PBX1: variants seen among roughly 807,000 people sequenced by gnomAD.
The protein encoded by PBX1 is pre-B-cell leukemia transcription factor 1.
A neutral mutation model predicts 53.4 loss-of-function variants in PBX1; 6 were observed. The ratio of observed to expected loss-of-function variants is 0.11; its 90% CI spans 0.06 to 0.22. The LOEUF is 0.22. Ranked by LOEUF, PBX1 falls within the 10% of genes least tolerant of loss-of-function variation. The pLI is 1.00. For synonymous variants in PBX1, 204 were observed against 212.3 expected (o/e 0.96, Z 0.34); for missense variants, 251 against 551.4 (o/e 0.46, Z 5.46).
intron 2 of PBX1, among the ~76,000 whole-genome samples, chr1:164,750,132 C>G (rs531769381): frequency 3.5e-4 from 49 of 141,658 alleles, no homozygotes; most frequent in African/African-American, 1.2e-3. Flanking sequence ...AGCTTTCAAA[C>G]TGGGGGCTAG....
intron 2 of PBX1, among the ~76,000 whole-genome samples, chr1:164,623,815 A>G (rs1202710919): frequency 6.6e-6 from 1 of 152,230 alleles, no homozygotes; most frequent in Non-Finnish European, 1.5e-5. Flanking sequence ...GCTAATGATC[A>G]AGAGACATGT....
chr1:164,650,694 C>T (rs1157206553), intron 2 of PBX1, among the ~76,000 whole-genome samples: 2 of 152,088 alleles, frequency 1.3e-5, no homozygotes, highest in African/African-American at 4.8e-5. Context: ...GAGAACAGGG[C>T]CCTTGCTCCT....
At chr1:164,593,674 T>G (rs1655561224) in intron 2 of PBX1, among the ~76,000 whole-genome samples, 1 of 152,156 alleles carries the variant, frequency 6.6e-6, no homozygotes, top group Admixed American at 6.5e-5. Context: ...GCAAAAATAT[T>G]GCTAAGTTTT....
intron 2 of PBX1, among the ~76,000 whole-genome samples, chr1:164,587,179 G>A (rs780309255): frequency 1.3e-5 from 2 of 152,166 alleles, no homozygotes; most frequent in Non-Finnish European, 2.9e-5. Flanking sequence ...AAGATGTACT[G>A]CTATCTTTCA....
intron 2 of PBX1, among the ~76,000 whole-genome samples, chr1:164,786,681 CTGTGTG>C (rs74747780): frequency 0.29 from 41,321 of 140,302 alleles, 6,414 homozygotes; most frequent in Admixed American, 0.41. Flanking sequence ...TCAGAAGAGA[CTGTGTG>C]TGTGTGTGTG....
chr1:164,839,363 AT>A (rs1457042214), intron 8 of PBX1, among the ~76,000 whole-genome samples: 3 of 152,214 alleles, frequency 2.0e-5, no homozygotes, highest in Non-Finnish European at 4.4e-5. Flanking sequence ...CTGAATACGT[AT>A]TTACGTAATT....
chr1:164,841,385 G>A (rs756461297), intron 8 of PBX1, among the ~76,000 whole-genome samples: 36 of 152,252 alleles, frequency 2.4e-4, no homozygotes, highest in Non-Finnish European at 4.0e-4. Flanking sequence ...TCAAGGCTGC[G>A]GCAGAGCTGC....
chr1:164,744,071 C>T (rs1476473315), intron 2 of PBX1, among the ~76,000 whole-genome samples: 2 of 152,086 alleles, frequency 1.3e-5, no homozygotes, highest in South Asian at 2.1e-4. Flanking sequence ...TTCACTTCCA[C>T]ATTTGTCCCG....
At chr1:164,565,685 T>A (rs761072941) in intron 2 of PBX1, among the ~76,000 whole-genome samples, 12 of 152,042 alleles carry the variant, frequency 7.9e-5, no homozygotes, top group Non-Finnish European at 1.6e-4. Flanking sequence ...TCAATCTTTT[T>A]GCCAGCATAT....
intron 2 of PBX1, among the ~76,000 whole-genome samples, chr1:164,635,433 C>T (rs988654828): frequency 2.0e-5 from 3 of 152,232 alleles, no homozygotes; most frequent in African/African-American, 7.2e-5. Flanking sequence ...AATTAATATA[C>T]TCTACTTAAA....
chr1:164,820,718 G>A (rs972785699), intron 7 of PBX1, among the ~76,000 whole-genome samples: 2 of 152,148 alleles, frequency 1.3e-5, no homozygotes, highest in Non-Finnish European at 2.9e-5. Flanking sequence ...ATGAGTAGAA[G>A]TCCACATTGG....
In PBX1 at chr1:164,848,190, G is replaced by A. The variant is rs1571523981; in HGVS notation, c.*1514G>A. The A allele has an allele frequency of 1.0e-5, 11 of 1,049,936 alleles. No individual in the cohort carries two copies. The highest frequency in any genetic ancestry group is 1.3e-5 in the Non-Finnish European group (11 of 869,612). 65.0% of individuals were successfully genotyped at this position (1,049,936 alleles called of 1,614,324 possible). A position where few individuals can be genotyped will look rare whatever the true frequency, so the allele number is the denominator to read the frequency against. ...GTGATTTTTATTCCCTGGGAACACA[G>A]CGTGTACTAAAAATACATGAGAAAA... On this transcript the variant is annotated 3_prime_UTR_variant, in exon 9 of 9. Transcript: ENST00000420696.
intron 8 of PBX1, among the ~76,000 whole-genome samples, chr1:164,845,568 A>G (rs146061536): frequency 6.6e-6 from 1 of 152,362 alleles, no homozygotes; most frequent in African/African-American, 2.4e-5. Context: ...TTTAAAACAT[A>G]TAAGCAATCA....
At chr1:164,699,472 C>G (rs1662980441) in intron 2 of PBX1, among the ~76,000 whole-genome samples, 1 of 152,002 alleles carries the variant, frequency 6.6e-6, no homozygotes, top group South Asian at 2.1e-4. Context: ...GACTCCTGCT[C>G]CAGAAAAGAT....
At chr1:164,612,602 T>G (rs900974735) in intron 2 of PBX1, among the ~76,000 whole-genome samples, 3 of 152,098 alleles carry the variant, frequency 2.0e-5, no homozygotes, top group Non-Finnish European at 4.4e-5. Flanking sequence ...GTCAGAAAAG[T>G]CCCATTTTTG....
chr1:164,764,930 G>T lies in PBX1; in HGVS notation c.266-27564G>T, dbSNP rs1666989595. ...TCTTCTAATTTAAGACTTTGGTTTG[G>T]TTTTTATAAGCCAAGTTGTCTTTAT... On this transcript the variant is annotated intron_variant, in intron 2 of 8. Transcript: ENST00000420696. Among the ~76,000 whole-genome samples the T allele has an allele frequency of 3.3e-5, 5 of 152,198 alleles. No homozygotes were observed. The South Asian group carries it at 1.0e-3, about 32-fold the overall frequency.
chr1:164,837,295 G>C (rs915666909), intron 8 of PBX1, among the ~76,000 whole-genome samples: 1 of 152,192 alleles, frequency 6.6e-6, no homozygotes, highest in Admixed American at 6.5e-5. Context: ...ATTCAGGGCT[G>C]TATAGGTTCA....
intron 2 of PBX1, among the ~76,000 whole-genome samples, chr1:164,706,718 G>A (rs537722817): frequency 1.3e-5 from 2 of 152,238 alleles, no homozygotes; most frequent in South Asian, 4.2e-4. Context: ...AAGTAACAGT[G>A]AGAACCAGGA....
intron 2 of PBX1, among the ~76,000 whole-genome samples, chr1:164,870,299 T>C (rs901004138): frequency 3.5e-5 from 2 of 57,006 alleles, no homozygotes; most frequent in African/African-American, 7.7e-5. Context: ...CTTTCTTTCT[T>C]TCTTTCTTTC....
Sources: gnomAD v4.1 joint callset for allele counts (sites outside exome capture counted in the v4.1 genomes callset) on GRCh38, gnomAD v4.1.1 for gene constraint, MANE v1.5 for transcripts, NCBI Gene and HGNC (gene_info 2026-07-23, HGNC 2026-07-21) for gene names.